FUCA1: variants seen among roughly 807,000 people sequenced by gnomAD.
FUCA1 encodes alpha-L-fucosidase 1, also known as tissue alpha-L-fucosidase.
Under a neutral mutation model 56.8 loss-of-function variants are expected in FUCA1, and 52 were observed. The observed-to-expected ratio is 0.92, with a 90% CI of 0.73 to 1.15. FUCA1 has a LOEUF of 1.15. Among genes scored for constraint, FUCA1 ranks in the 50% most tolerant of loss-of-function variants. The probability of loss-of-function intolerance (pLI) is 0.00; values close to 1 mark genes in which losing one functional copy is unlikely to be tolerated. For missense variants in FUCA1, 568 were observed against 592.6 expected, an observed-to-expected ratio of 0.96 and a Z score of 0.43; for synonymous variants, 230 against 226.6, an observed-to-expected ratio of 1.02 and a Z score of -0.14.
intron 3 of FUCA1, among the ~76,000 whole-genome samples, chr1:23,861,882 A>G (rs567597093): frequency 2.0e-5 from 3 of 152,366 alleles, no homozygotes; most frequent in South Asian, 2.1e-4. Context: ...GTGGCAAGAT[A>G]TAACAGATGG....
In FUCA1 at chr1:23,861,105, C is replaced by T. The variant is rs911309143; in HGVS notation, c.663-1202G>A. On this transcript the variant is annotated intron_variant, in intron 3 of 7. Transcript: ENST00000374479. ...TTGGGAGGCCGAGGCGGGCGGATCA[C>T]GAGGTCGGGAGATCGAGACCATCCT... Among the ~76,000 whole-genome samples the T allele has an allele frequency of 4.6e-5, 7 of 151,476 alleles. No homozygotes were observed. The South Asian group carries it at 6.3e-4, about 14-fold the overall frequency.
Position 23,854,454 on chromosome 1 carries a change from T to C in FUCA1, c.875A>G (p.Lys292Arg). Residue 292 changes from lysine (K) to arginine (R), a missense_variant, in exon 5 of 8, where the codon AAG (lysine) becomes AGG (arginine). By Grantham distance (26) the Lys-to-Arg change is conservative (BLOSUM62 2). Coordinates refer to ENST00000374479, the MANE Select transcript of FUCA1 (RefSeq NM_000147.5). The part of the protein sequence containing the change: ...KFKPQSLPDH[K>R]WEMCTSIDKF... ...GTCAATGCTGGTGCACATCTCCCAC[T>C]TGTGATCTGGCAAGCTCTGTGGCTT... The C allele has an allele frequency of 6.2e-7, 1 of 1,614,164 alleles. No individual in the cohort carries two copies. The highest frequency in any genetic ancestry group is 8.5e-7 in the Non-Finnish European group (1 of 1,179,988).
chr1:23,861,716 A>G (rs1639516997), intron 3 of FUCA1, among the ~76,000 whole-genome samples: 1 of 152,200 alleles, frequency 6.6e-6, no homozygotes, highest in Non-Finnish European at 1.5e-5. Flanking sequence ...AAGCATTATT[A>G]TTCTCATTTG....
At chr1:23,854,316 T>TAA (rs55699941) in intron 5 of FUCA1, 44 bp downstream of exon 5, 1,180 of 1,259,572 alleles carry the variant, frequency 9.4e-4, no homozygotes, top group Non-Finnish European at 1.1e-3. Context: ...TACTGCATGT[T>TAA]AAAAAAAAAA....
At chr1:23,860,498 G>A (rs1271706627) in intron 3 of FUCA1, among the ~76,000 whole-genome samples, 4 of 151,286 alleles carry the variant, frequency 2.6e-5, no homozygotes, top group Non-Finnish European at 5.9e-5. Context: ...GCAGGAGAAT[G>A]GCGTGAACCT....
At chr1:23,860,907 G>A (rs550402876) in intron 3 of FUCA1, among the ~76,000 whole-genome samples, 1 of 151,898 alleles carries the variant, frequency 6.6e-6, no homozygotes, top group East Asian at 2.0e-4. Context: ...GCAAAGTGCT[G>A]GGATTTCAGG....
intron 5 of FUCA1, among the ~76,000 whole-genome samples, chr1:23,853,407 C>A (rs550513208): frequency 6.9e-6 from 1 of 145,350 alleles, no homozygotes; most frequent in Non-Finnish European, 1.5e-5. Flanking sequence ...GTCAGCCCCC[C>A]GCCTGGCCAG....
intron 2 of FUCA1, 141 bp from the exon 3 acceptor site, chr1:23,863,412 T>C (rs970504790): frequency 1.3e-6 from 1 of 789,870 alleles, no homozygotes; most frequent in African/African-American, 1.7e-5. Context: ...TCCAAAACCA[T>C]TTCCTTAAAT....
intron 2 of FUCA1, among the ~76,000 whole-genome samples, chr1:23,864,708 T>A (rs1201206606): frequency 1.8e-5 from 2 of 114,028 alleles, no homozygotes; most frequent in Non-Finnish European, 3.7e-5. Context: ...TCTTTTTTCT[T>A]TTTTTTTTTT....
rs751908700 is a variant in FUCA1 at position 23,865,491 on chromosome 1, C to G, written c.524G>C (p.Arg175Thr). 3.2e-5 allele frequency: 51 copies of G among 1,614,104 alleles called. No homozygotes were observed. The highest frequency in any genetic ancestry group is 4.1e-5 in the Non-Finnish European group (48 of 1,180,046). ...VGELGTALRK[R>T]NIRYGLYHSL... Reference sequence around the variant, plus strand: ...AGAGTAACCATCCCTGGACACTCACCTCTTCCGGAGAGCTGTTCCCAATTC... The same window carrying G: ...AGAGTAACCATCCCTGGACACTCACGTCTTCCGGAGAGCTGTTCCCAATTC... The change falls in exon 2 of 8, where the codon AGG (arginine) becomes ACG (threonine). Residue 175 changes from arginine (R) to threonine (T), a missense_variant and splice_region_variant. By Grantham distance (71) the Arg-to-Thr change is moderately conservative. Transcript: ENST00000374479.
chr1:23,848,442 CA>C (rs1466351902), intron 6 of FUCA1, among the ~76,000 whole-genome samples: 1 of 152,110 alleles, frequency 6.6e-6, no homozygotes, highest in East Asian at 1.9e-4. Context: ...CCCTTTTCAC[CA>C]AACCCACTCT....
In FUCA1 at chr1:23,865,660, G is replaced by A. The variant is rs773992549; in HGVS notation, c.390-35C>T. On this transcript the variant is annotated intron_variant, in intron 1 of 7. Coordinates refer to ENST00000374479, the MANE Select transcript of FUCA1 (RefSeq NM_000147.5). ...GCAAAACCACATGAGCAAAGGAAGT[G>A]GGCAGTGAACTTGCATGAACTTGCC... The A allele has an allele frequency of 2.5e-6, 4 of 1,613,940 alleles. No individual in the cohort carries two copies. In the East Asian group the frequency reaches 8.9e-5, roughly 36 times the overall value.
At chr1:23,849,086 G>A (rs777611648) in intron 5 of FUCA1, among the ~76,000 whole-genome samples, 52 of 151,794 alleles carry the variant, frequency 3.4e-4, no homozygotes, top group Non-Finnish European at 5.4e-4. Context: ...CTGTTCAAGC[G>A]ATTCTCCTGC....
intron 5 of FUCA1, among the ~76,000 whole-genome samples, chr1:23,852,457 C>A (rs907440135): frequency 4.7e-5 from 7 of 147,408 alleles, no homozygotes; most frequent in African/African-American, 1.8e-4. Flanking sequence ...CTCCCTCTCC[C>A]TCTCCCCCCT....
intron 5 of FUCA1, among the ~76,000 whole-genome samples, chr1:23,850,507 G>A (rs1487986096): frequency 2.0e-5 from 3 of 151,204 alleles, no homozygotes; most frequent in South Asian, 2.1e-4. Context: ...TGTTTCAGAC[G>A]GAGTCTAGCT....
At chr1:23,849,202 C>T (rs1394570753) in intron 5 of FUCA1, among the ~76,000 whole-genome samples, 1 of 152,140 alleles carries the variant, frequency 6.6e-6, no homozygotes, top group Non-Finnish European at 1.5e-5. Context: ...CCAGGCCAGT[C>T]TCAAAACTCC....
At chr1:23,846,937 T>C (rs1379724872) in intron 6 of FUCA1, among the ~76,000 whole-genome samples, 1 of 151,904 alleles carries the variant, frequency 6.6e-6, no homozygotes, top group African/African-American at 2.4e-5. Context: ...CACAACTTGC[T>C]GTGTTGTGCT....
chr1:23,851,377 A>AC (rs769904056), intron 5 of FUCA1, among the ~76,000 whole-genome samples: 3,180 of 76,686 alleles, frequency 0.041, 37 homozygotes, highest in East Asian at 0.071. Context: ...TAAATAAATA[A>AC]ATATACACAT....
intron 2 of FUCA1, 35 bp downstream of exon 2, chr1:23,865,456 A>G (rs1639602487): frequency 1.5e-5 from 25 of 1,613,986 alleles, no homozygotes; most frequent in Non-Finnish European, 2.0e-5. Flanking sequence ...GCCAGATCCA[A>G]AGAGATAACA....
Sources: allele counts gnomAD v4.1 joint callset (sites outside exome capture counted in the v4.1 genomes callset), GRCh38; gene constraint gnomAD v4.1.1; transcripts MANE v1.5; gene names NCBI Gene and HGNC (gene_info 2026-07-23, HGNC 2026-07-21).